The following NFIA variants were observed in gnomAD, a reference collection of about 807,000 sequenced individuals.
The protein encoded by NFIA is nuclear factor 1 A-type.
A neutral mutation model predicts 62.8 loss-of-function variants in NFIA; 8 were observed. That is an observed-to-expected ratio of 0.13 (90% CI 0.07 to 0.23). The LOEUF (loss-of-function observed/expected upper bound fraction) is 0.23, where lower values mean the gene tolerates loss of function less well. Ranked by LOEUF, NFIA falls within the 10% of genes least tolerant of loss-of-function variation. The pLI, the probability that NFIA is intolerant of heterozygous loss-of-function variation, is 1.00. For missense variants in NFIA, 410 were observed against 642.1 expected (o/e 0.64, Z 3.91); for synonymous variants, 235 against 238.1 (o/e 0.99, Z 0.12).
chr1:61,438,552 CA>C (rs1444060233), intron 10 of NFIA, among the ~76,000 whole-genome samples: 4 of 152,186 alleles, frequency 2.6e-5, no homozygotes, highest in African/African-American at 7.2e-5. Flanking sequence ...TTAATTCTCT[CA>C]TTACCCAGTG....
Position 61,088,271 on chromosome 1 carries a change from A to C in NFIA, c.150A>C (p.Lys50Asn). 1.2e-6 allele frequency: 2 copies of C among 1,613,702 alleles called. No individual in the cohort carries two copies. The highest frequency in any genetic ancestry group is 1.7e-6 in the Non-Finnish European group (2 of 1,179,960). ...AAAAACATGAAAAGCGTATGTCAAA[A>C]GAAGAAGAGAGAGCCGTGAAGGATG... The part of the protein sequence containing the change: ...YFKKHEKRMS[K>N]EEERAVKDEL... Residue 50 changes from lysine to asparagine, a missense_variant, in exon 2 of 11, where the codon AAA becomes AAC. This residue lies in a region of NFIA where 86 missense variants were observed against 124.6 expected (regional missense o/e 0.69). Coordinates refer to ENST00000403491, the MANE Select transcript of NFIA (RefSeq NM_001134673.4). The surrounding 1 kb of genome is among the most constrained non-coding windows in gnomAD (Gnocchi z 4.5).
intron 6 of NFIA, among the ~76,000 whole-genome samples, chr1:61,362,205 T>C (rs906359319): frequency 1.3e-5 from 2 of 152,200 alleles, no homozygotes; most frequent in East Asian, 1.9e-4. Flanking sequence ...CCCACACTTA[T>C]GCAGGCCTGC....
chr1:61,219,887 C>T (rs1047712019), intron 2 of NFIA, among the ~76,000 whole-genome samples: 17 of 152,018 alleles, frequency 1.1e-4, no homozygotes, highest in Admixed American at 7.9e-4. Flanking sequence ...CACTTGGACC[C>T]GGGAGGCAGA....
intron 3 of NFIA, among the ~76,000 whole-genome samples, chr1:61,295,316 C>T (rs1299133692): frequency 6.6e-6 from 1 of 152,136 alleles, no homozygotes; most frequent in African/African-American, 2.4e-5. Flanking sequence ...CCAGAGTAAA[C>T]TAGGAGTGGG....
Position 61,215,295 on chromosome 1 carries a change from C to G in NFIA, c.560-62225C>G, listed in dbSNP as rs192828424. Among the ~76,000 whole-genome samples, 24 of 152,190 alleles carry G rather than the reference C, an allele frequency of 1.6e-4. No individual in the cohort carries two copies. The East Asian group carries it at 4.4e-3, about 28-fold the overall frequency. Reference sequence around the variant, plus strand: ...TTGTATGCAACACAGTTGGAAAATTCTAGTGGGACCATGTCCATGCAATTA... The same window carrying G: ...TTGTATGCAACACAGTTGGAAAATTGTAGTGGGACCATGTCCATGCAATTA... On this transcript the variant is annotated intron_variant, in intron 2 of 10. Coordinates refer to ENST00000403491, the MANE Select transcript of NFIA (RefSeq NM_001134673.4).
chr1:61,081,578 G>A (rs1646095444), upstream of NFIA, among the ~76,000 whole-genome samples: 1 of 152,150 alleles, frequency 6.6e-6, no homozygotes, highest in Admixed American at 6.5e-5. Flanking sequence ...AGATGTCACA[G>A]CTAAACCACT....
At chr1:61,290,977 A>G (rs1459138486) in intron 3 of NFIA, among the ~76,000 whole-genome samples, 1 of 152,156 alleles carries the variant, frequency 6.6e-6, no homozygotes, top group East Asian at 1.9e-4. Flanking sequence ...GGAATGATGA[A>G]TTATCTATTA....
intron 2 of NFIA, among the ~76,000 whole-genome samples, chr1:61,251,618 C>T (rs139186590): frequency 6.6e-6 from 1 of 152,146 alleles, no homozygotes; most frequent in Non-Finnish European, 1.5e-5. Context: ...AGTACAATCA[C>T]GTGAAAACTG....
At chr1:61,312,558 G>C (rs889144183) in intron 3 of NFIA, among the ~76,000 whole-genome samples, 1 of 151,936 alleles carries the variant, frequency 6.6e-6, no homozygotes, top group Admixed American at 6.6e-5. Context: ...GGTCACCCAG[G>C]CTGGAGTGAA....
At chr1:61,315,469 T>C (rs1660321582) in intron 3 of NFIA, among the ~76,000 whole-genome samples, 1 of 152,202 alleles carries the variant, frequency 6.6e-6, no homozygotes, top group Non-Finnish European at 1.5e-5. Context: ...GATTTTCTGA[T>C]GTTAGAGGTA....
chr1:61,273,332 C>A (rs1252412792), intron 2 of NFIA, among the ~76,000 whole-genome samples: 2 of 152,168 alleles, frequency 1.3e-5, no homozygotes, highest in African/African-American at 4.8e-5. Flanking sequence ...AGCCTCTGTG[C>A]TGCTTGGGCC....
chr1:61,415,968 A>C (rs1557768965), intron 9 of NFIA, among the ~76,000 whole-genome samples: 1 of 152,164 alleles, frequency 6.6e-6, no homozygotes, highest in Non-Finnish European at 1.5e-5. Context: ...GGAGCTCTTT[A>C]AAAATAAAAA....
At chr1:61,188,311 T>TC (rs2100571628) in intron 2 of NFIA, among the ~76,000 whole-genome samples, 1 of 152,152 alleles carries the variant, frequency 6.6e-6, no homozygotes, top group African/African-American at 2.4e-5. Flanking sequence ...AAGAACATGA[T>TC]CCCAGAAAGC....
At chr1:61,394,868 G>A (rs1284620001) in intron 7 of NFIA, among the ~76,000 whole-genome samples, 1 of 152,144 alleles carries the variant, frequency 6.6e-6, no homozygotes, top group African/African-American at 2.4e-5. Flanking sequence ...CAACATGTTG[G>A]GAGACCAAGG....
intron 9 of NFIA, among the ~76,000 whole-genome samples, chr1:61,416,038 C>T (rs565530088): frequency 3.1e-4 from 47 of 152,136 alleles, no homozygotes; most frequent in Middle Eastern, 3.4e-3. Flanking sequence ...TACATTAATT[C>T]AGCAAAGGAG....
upstream of NFIA, chr1:61,082,420 T>C (rs1175463718): frequency 2.3e-5 from 23 of 986,048 alleles, no homozygotes; most frequent in Non-Finnish European, 2.6e-5. Flanking sequence ...TGCGGTGCGG[T>C]GCAGAGCGGA....
At chr1:61,207,495 G>A (rs74090315) in intron 2 of NFIA, among the ~76,000 whole-genome samples, 3,167 of 152,228 alleles carry the variant, frequency 0.021, 110 homozygotes, top group African/African-American at 0.071. Flanking sequence ...AGCTCCCCCA[G>A]TGTGGTAGCT....
chr1:61,105,063 C>T (rs1254621520), intron 2 of NFIA, among the ~76,000 whole-genome samples: 5 of 152,044 alleles, frequency 3.3e-5, no homozygotes, highest in South Asian at 2.1e-4. Context: ...TTTCCCGCTG[C>T]GCTTCCAAGG....
chr1:61,359,161 T>A lies in NFIA; in HGVS notation c.833T>A (p.Leu278His). 6.2e-7 allele frequency: 1 copy of A among 1,613,398 alleles called. No homozygotes were observed. The highest frequency in any genetic ancestry group is 8.5e-7 in the Non-Finnish European group (1 of 1,179,948). The change falls in exon 6 of 11, where the codon CTC becomes CAC. Residue 278 changes from leucine to histidine, a missense_variant. By Grantham distance (99) the Leu-to-His change is moderately conservative (BLOSUM62 -3). Coordinates refer to ENST00000403491, the MANE Select transcript of NFIA (RefSeq NM_001134673.4). ...TGTTATTTCAGCTCCACAAAGCGCC[T>A]CAAGTCTGTGGAGGATGAAATGGAC... ...STSSTSSTKR[L>H]KSVEDEMDSP... is the part of the protein sequence containing the mutation.
Sources: allele counts gnomAD v4.1 joint callset (sites outside exome capture counted in the v4.1 genomes callset), GRCh38; gene constraint gnomAD v4.1.1; regional missense constraint gnomAD v4.1.1; non-coding constraint Gnocchi (gnomAD v3.1); transcripts MANE v1.5; gene names NCBI Gene and HGNC (gene_info 2026-07-23, HGNC 2026-07-21).